Variants in MGAT4C observed in about 807,000 individuals in gnomAD.
MGAT4C encodes the protein alpha-1,3-mannosyl-glycoprotein 4-beta-N-acetylglucosaminyltransferase C.
A neutral mutation model predicts 40.1 loss-of-function variants in MGAT4C; 19 were observed. The observed-to-expected ratio is 0.47, with a 90% confidence interval of 0.33 to 0.70. MGAT4C has a LOEUF of 0.70. MGAT4C is among the 30% of genes least tolerant of loss of function. MGAT4C has a pLI of 0.02. For missense variants in MGAT4C, 491 were observed against 563.2 expected, an observed-to-expected ratio of 0.87 and a Z score of 1.30; for synonymous variants, 181 against 187.1, an observed-to-expected ratio of 0.97 and a Z score of 0.27.
chr12:86,087,528 C>A (rs139234301), intron 1 of MGAT4C, among the ~76,000 whole-genome samples: 5 of 152,108 alleles, frequency 3.3e-5, no homozygotes, highest in African/African-American at 1.2e-4. Context: ...TGTTGGTGTA[C>A]AGAAATGCTT....
At chr12:86,482,692 T>C (rs1957957083) in intron 2 of MGAT4C, among the ~76,000 whole-genome samples, 1 of 152,120 alleles carries the variant, frequency 6.6e-6, no homozygotes, top group Admixed American at 6.6e-5. Flanking sequence ...ACAAATTTTC[T>C]CTAACGTATA....
chr12:86,138,376 A>G (rs1463427595), intron 1 of MGAT4C, among the ~76,000 whole-genome samples: 4 of 150,666 alleles, frequency 2.7e-5, no homozygotes, highest in Non-Finnish European at 5.9e-5. Context: ...CTGCCTCCTC[A>G]GGATTCCCAC....
intron 2 of MGAT4C, among the ~76,000 whole-genome samples, chr12:86,585,464 T>C (rs1372282308): frequency 6.6e-6 from 1 of 151,440 alleles, no homozygotes; most frequent in Non-Finnish European, 1.5e-5. Flanking sequence ...TATAAAAACA[T>C]ATTACATTAA....
intron 2 of MGAT4C, among the ~76,000 whole-genome samples, chr12:86,669,656 G>A (rs1023329543): frequency 6.6e-6 from 1 of 152,238 alleles, no homozygotes; most frequent in Non-Finnish European, 1.5e-5. Context: ...CCTGTAGGCA[G>A]ACCTGGCCAG....
At chr12:86,361,518 GC>G (rs1955469679) in intron 3 of MGAT4C, among the ~76,000 whole-genome samples, 2 of 152,156 alleles carry the variant, frequency 1.3e-5, no homozygotes, top group African/African-American at 4.8e-5. Flanking sequence ...CTTCTGCACA[GC>G]AAAAGAAACT....
At chr12:86,606,202 C>T (rs1421556713) in intron 2 of MGAT4C, among the ~76,000 whole-genome samples, 1 of 152,010 alleles carries the variant, frequency 6.6e-6, no homozygotes, top group African/African-American at 2.4e-5. Flanking sequence ...ATGGGAATTA[C>T]AATTCGTGAT....
At chr12:86,623,450 A>T (rs532330825) in intron 2 of MGAT4C, among the ~76,000 whole-genome samples, 17 of 152,252 alleles carry the variant, frequency 1.1e-4, no homozygotes, top group East Asian at 3.9e-4. Flanking sequence ...AGTTTTTTTT[A>T]AAATGTATCA....
chr12:86,743,425 G>A (rs896391787), intron 1 of MGAT4C, among the ~76,000 whole-genome samples: 11 of 151,420 alleles, frequency 7.3e-5, no homozygotes, highest in Non-Finnish European at 1.5e-5. Flanking sequence ...TATCCCAGGG[G>A]AAAACCAGCT....
intron 1 of MGAT4C, among the ~76,000 whole-genome samples, chr12:86,169,274 A>G (rs914905511): frequency 2.0e-5 from 3 of 152,148 alleles, no homozygotes; most frequent in Non-Finnish European, 2.9e-5. Context: ...TTGGGTCTTC[A>G]TAAGTTTGCC....
At chr12:86,134,008 AT>A (rs1006649210) in intron 1 of MGAT4C, among the ~76,000 whole-genome samples, 2 of 152,080 alleles carry the variant, frequency 1.3e-5, no homozygotes, top group Non-Finnish European at 2.9e-5. Context: ...AAAAGTTCAA[AT>A]GCTACGTTTG....
chr12:86,182,931 A>G (rs1044288973), intron 1 of MGAT4C, among the ~76,000 whole-genome samples: 1 of 152,140 alleles, frequency 6.6e-6, no homozygotes, highest in Non-Finnish European at 1.5e-5. Flanking sequence ...CCAGCACTAT[A>G]TATCTATACA....
chr12:86,627,180 C>T (rs1593057448), intron 2 of MGAT4C, among the ~76,000 whole-genome samples: 1 of 152,148 alleles, frequency 6.6e-6, no homozygotes, highest in African/African-American at 2.4e-5. Flanking sequence ...GGGCATCCAC[C>T]ATTGCTGAGG....
chr12:86,492,329 G>T (rs1034190675), intron 2 of MGAT4C, among the ~76,000 whole-genome samples: 1 of 152,020 alleles, frequency 6.6e-6, no homozygotes, highest in Non-Finnish European at 1.5e-5. Flanking sequence ...AAACGAGCCC[G>T]CATTGCCAAG....
At chr12:86,510,144 T>C (rs549982611) in intron 2 of MGAT4C, among the ~76,000 whole-genome samples, 7 of 152,300 alleles carry the variant, frequency 4.6e-5, no homozygotes, top group Admixed American at 4.6e-4. Context: ...TGTGCCAGTT[T>C]TCAAAGGGAA....
At chr12:86,716,064 T>C (rs1380066581) in intron 2 of MGAT4C, among the ~76,000 whole-genome samples, 2 of 152,094 alleles carry the variant, frequency 1.3e-5, no homozygotes, top group Non-Finnish European at 2.9e-5. Flanking sequence ...AACTATATAA[T>C]ATGTTGGTAT....
rs114771605 is a variant in MGAT4C at position 86,684,995 on chromosome 12, C to T, written c.-229+42214G>A. Among the ~76,000 whole-genome samples, 522 of 152,160 alleles carry T rather than the reference C, an allele frequency of 3.4e-3. 1 individual carries two copies. Among genetic ancestry groups the T allele is most frequent in the African/African-American group, 0.012 (500 of 41,512 alleles). ...TCCTATTCTGTATGTTGCCTGTTCA[C>T]CCTGAGGATAGTATATTTTGCTGTG... On this transcript the variant is annotated intron_variant, in intron 2 of 7. Coordinates refer to the MGAT4C transcript ENST00000548651.
chr12:86,006,774 T>C (rs1277638442), intron 2 of MGAT4C, among the ~76,000 whole-genome samples: 1 of 152,212 alleles, frequency 6.6e-6, no homozygotes, highest in South Asian at 2.1e-4. Context: ...AGAAACTTAC[T>C]GGGTCATTTT....
chr12:86,701,126 G>A (rs1950355363), intron 2 of MGAT4C, among the ~76,000 whole-genome samples: 3 of 152,054 alleles, frequency 2.0e-5, no homozygotes, highest in Admixed American at 2.0e-4. Flanking sequence ...AATATTAAAT[G>A]CTTTAAAATA....
chr12:86,683,786 T>G (rs551728589), intron 2 of MGAT4C, among the ~76,000 whole-genome samples: 2 of 152,312 alleles, frequency 1.3e-5, no homozygotes, highest in Middle Eastern at 6.8e-3. Flanking sequence ...GATAAACGTT[T>G]GTGTCCTCAA....
Sources: allele counts gnomAD v4.1 joint callset (sites outside exome capture counted in the v4.1 genomes callset), GRCh38; gene constraint gnomAD v4.1.1; transcripts MANE v1.5; gene names NCBI Gene and HGNC (gene_info 2026-07-23, HGNC 2026-07-21).